The following WDPCP variants were observed in gnomAD, a reference collection of about 807,000 sequenced individuals.
WDPCP encodes WD repeat-containing and planar cell polarity effector protein fritz homolog.
Under a neutral mutation model 93.1 loss-of-function variants are expected in WDPCP, and 71 were observed. That is an observed-to-expected ratio of 0.76 (90% CI 0.63 to 0.93). The LOEUF is 0.93. WDPCP is among the 40% of genes least tolerant of loss of function. The pLI, the probability that WDPCP is intolerant of heterozygous loss-of-function variation, is 0.00. For missense variants in WDPCP, 844 were observed against 887.4 expected, an observed-to-expected ratio of 0.95 and a Z score of 0.62; for synonymous variants, 315 against 315.0, an observed-to-expected ratio of 1.00 and a Z score of 0.00.
intron 14 of WDPCP, among the ~76,000 whole-genome samples, chr2:63,223,326 A>G (rs1201020257): frequency 1.2e-4 from 19 of 152,150 alleles, no homozygotes. Context: ...CATTAACCTA[A>G]TGATATTATC....
chr2:63,158,171 G>T (rs1262315583), intron 15 of WDPCP, among the ~76,000 whole-genome samples: 2 of 151,832 alleles, frequency 1.3e-5, no homozygotes, highest in Non-Finnish European at 2.9e-5. Flanking sequence ...TCCCATTATG[G>T]TCAGAGGACA....
rs759892208 is a variant in WDPCP at position 63,404,557 on chromosome 2, T to A, written c.926A>T (p.Asp309Val). ...GCAGCTGTCAGCCATGGGCTCTTTGTCTACACTTACGGAGTGCTCCACTGT... is the reference window on the plus strand; with the variant it reads ...GCAGCTGTCAGCCATGGGCTCTTTGACTACACTTACGGAGTGCTCCACTGT... ...VFTVEHSVSV[D>V]KEPMADSCIY... is the part of the protein sequence containing the mutation. Residue 309 changes from aspartate (D) to valine (V), a missense_variant, in exon 10 of 18, where the codon GAC becomes GTC. Transcript: ENST00000272321. 2 of 1,613,842 alleles carry A rather than the reference T, an allele frequency of 1.2e-6. No homozygotes were observed. Among genetic ancestry groups the A allele is most frequent in the East Asian group, 4.5e-5 (2 of 44,874 alleles).
At chr2:63,499,334 G>T (rs1701407516) in intron 1 of WDPCP, among the ~76,000 whole-genome samples, 1 of 152,178 alleles carries the variant, frequency 6.6e-6, no homozygotes, top group Non-Finnish European at 1.5e-5. Flanking sequence ...TGATGCACAG[G>T]TAGAAGAGAT....
At chr2:63,362,258 C>T (rs920752745) in intron 12 of WDPCP, among the ~76,000 whole-genome samples, 22 of 93,246 alleles carry the variant, frequency 2.4e-4, no homozygotes, top group Admixed American at 4.6e-4. Flanking sequence ...GGTAGAATCC[C>T]TTTTTTTTTT....
In WDPCP at chr2:63,588,289, G is replaced by C; in HGVS notation, c.-18C>G. 6.4e-7 allele frequency: 1 copy of C among 1,567,512 alleles called. No homozygotes were observed. Among genetic ancestry groups the C allele is most frequent in the South Asian group, 1.2e-5 (1 of 85,600 alleles). Reference sequence around the variant, plus strand: ...CGCCTCATCACCAGACACTACCCCGGGCAGAAGGTTCCTAGGCTAGGTCCT... The same window carrying C: ...CGCCTCATCACCAGACACTACCCCGCGCAGAAGGTTCCTAGGCTAGGTCCT... On this transcript the variant is annotated 5_prime_UTR_variant, in exon 1 of 18. Coordinates refer to ENST00000272321, the MANE Select transcript of WDPCP (RefSeq NM_015910.7).
intron 14 of WDPCP, among the ~76,000 whole-genome samples, chr2:63,223,865 G>GTTTCTGGCTTA (rs1233637398): frequency 3.3e-5 from 5 of 152,022 alleles, no homozygotes; most frequent in African/African-American, 9.7e-5. Flanking sequence ...TATGGGGTGT[G>GTTTCTGGCTTA]TTTCTGGCTT....
At chr2:63,700,995 G>A (rs1007541521) in intron 2 of WDPCP, among the ~76,000 whole-genome samples, 1 of 152,078 alleles carries the variant, frequency 6.6e-6, no homozygotes, top group Non-Finnish European at 1.5e-5. Context: ...AAAATCACAG[G>A]CAACCAAAAC....
At chr2:63,697,983 C>T (rs1668984180) in intron 2 of WDPCP, among the ~76,000 whole-genome samples, 1 of 137,012 alleles carries the variant, frequency 7.3e-6, no homozygotes, top group African/African-American at 2.8e-5. Context: ...GAGTCTCGCT[C>T]TGTCGCCTGT....
intron 14 of WDPCP, among the ~76,000 whole-genome samples, chr2:63,210,953 C>T (rs1012564613): frequency 1.3e-5 from 2 of 152,186 alleles, no homozygotes; most frequent in Non-Finnish European, 2.9e-5. Context: ...AACAAAGCAG[C>T]CAGGAAGCTC....
intron 3 of WDPCP, among the ~76,000 whole-genome samples, chr2:63,623,584 CAAAG>C (rs1709774182): frequency 6.6e-6 from 1 of 151,226 alleles, no homozygotes; most frequent in Non-Finnish European, 1.5e-5. Context: ...TCAAAAAAGA[CAAAG>C]AAGAACATTA....
chr2:63,424,928 C>G (rs1696151813), intron 9 of WDPCP, among the ~76,000 whole-genome samples: 1 of 152,180 alleles, frequency 6.6e-6, no homozygotes, highest in Non-Finnish European at 1.5e-5. Flanking sequence ...TATCTTTCCC[C>G]CTACACCACA....
At chr2:63,787,007 T>C (rs1315226881) in intron 2 of WDPCP, among the ~76,000 whole-genome samples, 1 of 152,204 alleles carries the variant, frequency 6.6e-6, no homozygotes, top group Admixed American at 6.6e-5. Flanking sequence ...AGGGTACTAT[T>C]TCTAGAAGGT....
At chr2:63,571,441 G>T (rs991499048) in intron 1 of WDPCP, 2 of 466,462 alleles carry the variant, frequency 4.3e-6, no homozygotes, top group Non-Finnish European at 4.4e-6. Context: ...TCAGCCTGAA[G>T]AATTTCCTTT....
At chr2:63,377,693 T>C (rs1691969586) in intron 12 of WDPCP, among the ~76,000 whole-genome samples, 1 of 151,592 alleles carries the variant, frequency 6.6e-6, no homozygotes, top group Admixed American at 6.6e-5. Flanking sequence ...TTTTGCTTGC[T>C]TTTACTTATA....
chr2:63,329,666 T>A (rs1004185464), intron 12 of WDPCP, among the ~76,000 whole-genome samples: 5 of 152,166 alleles, frequency 3.3e-5, no homozygotes, highest in Admixed American at 1.3e-4. Flanking sequence ...TTTAAAAAAA[T>A]TTTAAATGTG....
chr2:63,474,245 T>C (rs1225066491), intron 6 of WDPCP, among the ~76,000 whole-genome samples: 2 of 152,070 alleles, frequency 1.3e-5, no homozygotes, highest in Non-Finnish European at 2.9e-5. Context: ...GAATTGTGTC[T>C]TCCAGTGCAT....
At chr2:63,689,795 G>T (rs1315305427) in intron 2 of WDPCP, among the ~76,000 whole-genome samples, 1 of 152,088 alleles carries the variant, frequency 6.6e-6, no homozygotes, top group East Asian at 1.9e-4. Context: ...TAATTCAGCT[G>T]CTCAGTATCA....
chr2:63,831,888 A>G (rs1671208225), upstream of WDPCP, among the ~76,000 whole-genome samples: 1 of 152,236 alleles, frequency 6.6e-6, no homozygotes, highest in Admixed American at 6.5e-5. Context: ...TGGAGAATAC[A>G]GTTTACAGGT....
intron 12 of WDPCP, among the ~76,000 whole-genome samples, chr2:63,315,761 A>AT (rs59248574): frequency 0.25 from 37,375 of 149,654 alleles, 6,054 homozygotes; most frequent in East Asian, 0.6. Context: ...AAATAATTTG[A>AT]TTTTTTTTTT....
Sources: allele counts gnomAD v4.1 joint callset (sites outside exome capture counted in the v4.1 genomes callset), GRCh38; gene constraint gnomAD v4.1.1; transcripts MANE v1.5; gene names NCBI Gene and HGNC (gene_info 2026-07-23, HGNC 2026-07-21).